Variants in GTF2IRD1 observed in about 807,000 individuals in gnomAD.
The protein encoded by GTF2IRD1 is GTF2I repeat domain containing 1, also known as general transcription factor II-I repeat domain-containing protein 1.
GTF2IRD1 carries 26 observed loss-of-function variants against 113.2 expected under a neutral mutation model. The ratio of observed to expected loss-of-function variants is 0.23; its 90% CI spans 0.17 to 0.32. The LOEUF is 0.32. Among genes scored for constraint, GTF2IRD1 ranks in the 10% least tolerant of loss-of-function variants. The pLI, the probability that GTF2IRD1 is intolerant of heterozygous loss-of-function variation, is 1.00. For synonymous variants in GTF2IRD1, 484 were observed against 529.1 expected (o/e 0.91, Z 1.17); for missense variants, 864 against 1,280.8 (o/e 0.67, Z 4.97).
intron 13 of GTF2IRD1, 25 bp downstream of exon 13, chr7:74,538,785 C>G: frequency 7.8e-7 from 1 of 1,286,966 alleles, no homozygotes; most frequent in East Asian, 2.3e-5. Flanking sequence ...TCTGACCACC[C>G]CCTGCAGAAA....
At chr7:74,508,268 A>C in intron 2 of GTF2IRD1, 65 bp downstream of exon 2, 1,222 of 1,531,686 alleles carry the variant, frequency 8.0e-4, no homozygotes, top group Non-Finnish European at 9.8e-4. Context: ...CTTGTAGCTC[A>C]AGTCCTACCT....
At chr7:74,592,408 C>A (rs1430051492) in intron 24 of GTF2IRD1, among the ~76,000 whole-genome samples, 1 of 151,542 alleles carries the variant, frequency 6.6e-6, no homozygotes, top group African/African-American at 2.4e-5. Flanking sequence ...CCCAGCCCCC[C>A]CTTTTTTTTT....
intron 1 of GTF2IRD1, among the ~76,000 whole-genome samples, chr7:74,474,668 A>G (rs2117043961): frequency 6.6e-6 from 1 of 152,244 alleles, no homozygotes; most frequent in East Asian, 1.9e-4. Context: ...AAATGGGGAG[A>G]GTACTGTTGT....
chr7:74,507,866 C>T (rs1554341514), intron 1 of GTF2IRD1, among the ~76,000 whole-genome samples: 1 of 152,176 alleles, frequency 6.6e-6, no homozygotes, highest in African/African-American at 2.4e-5. Context: ...GGGTGTGCCA[C>T]AAGGTGTGAG....
At chr7:74,472,562 C>T (rs1554332661) in intron 1 of GTF2IRD1, among the ~76,000 whole-genome samples, 1 of 152,070 alleles carries the variant, frequency 6.6e-6, no homozygotes, top group South Asian at 2.1e-4. Context: ...GCCTGGGCAA[C>T]GTGGTGAAAC....
chr7:74,547,985 T>G (rs1213559935), intron 17 of GTF2IRD1, among the ~76,000 whole-genome samples: 1 of 152,094 alleles, frequency 6.6e-6, no homozygotes. Context: ...CTGGGAGCAA[T>G]GCCCTGTCGT....
At chr7:74,462,180 C>T (rs1554329465) in intron 1 of GTF2IRD1, among the ~76,000 whole-genome samples, 1 of 152,066 alleles carries the variant, frequency 6.6e-6, no homozygotes, top group African/African-American at 2.4e-5. Context: ...TTGAGACCAG[C>T]CTGGGCAACA....
In GTF2IRD1 at chr7:74,589,939, G is replaced by A; in HGVS notation, c.2398+11G>A. ...TCAACGAGAAATACGGTCAGTGCCTGTGGTCAGGGTCAGCACACCAAGCCC... is the reference window on the plus strand; with the variant it reads ...TCAACGAGAAATACGGTCAGTGCCTATGGTCAGGGTCAGCACACCAAGCCC... On this transcript the variant is annotated intron_variant, in intron 23 of 26. Coordinates refer to ENST00000424337, the MANE Select transcript of GTF2IRD1 (RefSeq NM_005685.4). 1 of 1,574,756 alleles carries A rather than the reference G, an allele frequency of 6.4e-7. No individual in the cohort carries two copies.
intron 1 of GTF2IRD1, among the ~76,000 whole-genome samples, chr7:74,501,203 G>A (rs1401581979): frequency 6.6e-6 from 1 of 152,128 alleles, no homozygotes; most frequent in Non-Finnish European, 1.5e-5. Flanking sequence ...TCACTGCCGG[G>A]CAGGGTTGGG....
chr7:74,552,615 A>G (rs1194118298), intron 17 of GTF2IRD1, among the ~76,000 whole-genome samples: 1 of 152,188 alleles, frequency 6.6e-6, no homozygotes, highest in Admixed American at 6.5e-5. Flanking sequence ...AAGTCTTAAG[A>G]GACAGTGTCT....
At chr7:74,469,620 T>G (rs1793965811) in intron 1 of GTF2IRD1, among the ~76,000 whole-genome samples, 1 of 152,246 alleles carries the variant, frequency 6.6e-6, no homozygotes, top group South Asian at 2.1e-4. Flanking sequence ...CCTTTCTTTT[T>G]ATGGCCAAAT....
intron 14 of GTF2IRD1, among the ~76,000 whole-genome samples, chr7:74,541,137 A>C (rs587594983): frequency 6.6e-6 from 1 of 152,068 alleles, no homozygotes; most frequent in Non-Finnish European, 1.5e-5. Flanking sequence ...CAGTGGACCA[A>C]ACAGGTGTCC....
chr7:74,593,205 A>C (rs1377076720), intron 24 of GTF2IRD1, among the ~76,000 whole-genome samples: 2 of 151,934 alleles, frequency 1.3e-5, no homozygotes, highest in Admixed American at 6.6e-5. Context: ...TCAAAAAAAA[A>C]CAAATTGTTC....
intron 14 of GTF2IRD1, among the ~76,000 whole-genome samples, chr7:74,541,537 G>A (rs1798636395): frequency 1.3e-5 from 2 of 152,010 alleles, no homozygotes; most frequent in African/African-American, 4.8e-5. Context: ...GAGGTAGGAG[G>A]ATTGATTGAG....
intron 1 of GTF2IRD1, among the ~76,000 whole-genome samples, chr7:74,490,313 C>T (rs1479073650): frequency 6.6e-5 from 10 of 152,098 alleles, no homozygotes; most frequent in African/African-American, 9.7e-5. Context: ...TACTGCACTG[C>T]GGCTGGGTGT....
intron 1 of GTF2IRD1, among the ~76,000 whole-genome samples, chr7:74,488,177 G>A (rs1385389028): frequency 6.6e-6 from 1 of 152,164 alleles, no homozygotes; most frequent in Non-Finnish European, 1.5e-5. Context: ...CAGCTACTCA[G>A]GAGGCTGAGG....
intron 22 of GTF2IRD1, among the ~76,000 whole-genome samples, chr7:74,581,300 G>C (rs1554366059): frequency 6.6e-6 from 1 of 152,196 alleles, no homozygotes; most frequent in African/African-American, 2.4e-5. Context: ...GGGATGAAAG[G>C]CATGAGCCAC....
chr7:74,570,025 A>C (rs1379942900), intron 22 of GTF2IRD1, among the ~76,000 whole-genome samples: 1 of 152,136 alleles, frequency 6.6e-6, no homozygotes, highest in Non-Finnish European at 1.5e-5. Flanking sequence ...TTGGGTAAGA[A>C]GAGCTGAGTC....
At position 74,469,964 on chromosome 7, in the gene GTF2IRD1, A is replaced by G. The variant is rs1486216434; in HGVS notation, c.-7+15788A>G. 2.6e-5 allele frequency among the ~76,000 whole-genome samples: 4 copies of G among 151,798 alleles called. No homozygotes were observed. In the East Asian group the frequency reaches 7.8e-4, roughly 30 times the overall value. On this transcript the variant is annotated intron_variant, in intron 1 of 26. Transcript: ENST00000424337. The stretch of plus-strand genomic sequence containing the variant: ...AAAAATTATCATATTCTTTATTATG[A>G]TATCATTATACCATAAAATTCACCA...
Sources: gnomAD v4.1 joint callset for allele counts (sites outside exome capture counted in the v4.1 genomes callset) on GRCh38, gnomAD v4.1.1 for gene constraint, MANE v1.5 for transcripts, NCBI Gene and HGNC (gene_info 2026-07-23, HGNC 2026-07-21) for gene names.